The following INTS10 variants were observed in gnomAD, a reference collection of about 807,000 sequenced individuals.
The protein encoded by INTS10 is integrator complex subunit 10.
INTS10 carries 44 observed loss-of-function variants against 94.4 expected under a neutral mutation model. That is an observed-to-expected ratio of 0.47 (90% CI 0.37 to 0.60). INTS10 has a LOEUF of 0.60. INTS10 is among the 20% of genes least tolerant of loss of function. The pLI is 0.00. For synonymous variants in INTS10, 341 were observed against 320.7 expected, an observed-to-expected ratio of 1.06 and a Z score of -0.68; for missense variants, 797 against 868.7, an observed-to-expected ratio of 0.92 and a Z score of 1.04.
intron 12 of INTS10, among the ~76,000 whole-genome samples, chr8:19,834,800 C>G (rs1224030199): frequency 6.6e-6 from 1 of 152,044 alleles, no homozygotes; most frequent in Non-Finnish European, 1.5e-5. Flanking sequence ...AAGTGGGAGG[C>G]TTGTAAACAA....
chr8:19,851,750 T>A lies in INTS10; in HGVS notation c.2078T>A (p.Val693Asp). 6.2e-7 allele frequency: 1 copy of A among 1,614,102 alleles called. No homozygotes were observed. Among genetic ancestry groups the A allele is most frequent in the South Asian group, 1.1e-5 (1 of 91,080 alleles). The change falls in exon 17 of 17, where the codon GTT becomes GAT. Residue 693 changes from valine to aspartate, a missense_variant. By Grantham distance (152) the Val-to-Asp change is radical. This residue lies in a region of INTS10 where 47 missense variants were observed against 41.8 expected (regional missense o/e 1.12). Transcript: ENST00000397977. The surrounding 1 kb of genome is among the most constrained non-coding windows in gnomAD (Gnocchi z 5.0). ...CGCTGTGGAGAGAATCTGATGGTGG[T>A]TCTGCACAGGTTCTGCATTAATGAG... ...VSRCGENLMV[V>D]LHRFCINEKI...
intron 13 of INTS10, among the ~76,000 whole-genome samples, chr8:19,837,966 T>G (rs1016059608): frequency 1.2e-4 from 18 of 152,094 alleles, no homozygotes; most frequent in African/African-American, 4.1e-4. Context: ...GAATACATTA[T>G]GAAAAACTTT....
At chr8:19,833,065 T>C in intron 11 of INTS10, 104 bp from the exon 12 acceptor site, 1 of 929,536 alleles carries the variant, frequency 1.1e-6, no homozygotes, top group African/African-American at 1.7e-5. Context: ...ACCGTCTTTG[T>C]ATAGTTGCTT....
At chr8:19,840,312 A>G (rs1274038632) in intron 13 of INTS10, among the ~76,000 whole-genome samples, 4 of 152,324 alleles carry the variant, frequency 2.6e-5, no homozygotes, top group South Asian at 2.1e-4. Context: ...TCATGTTTCT[A>G]TATCAGAAGA....
In INTS10 at chr8:19,823,551, G is replaced by C. The variant is rs1266573619; in HGVS notation, c.664+110G>C. On this transcript the variant is annotated intron_variant, in intron 6 of 16. Transcript: ENST00000397977. Reference sequence around the variant, plus strand: ...CTCCTCTGGATACTTACCAGTTTGGGAGTGTTTCAAAAGATGGTATCTAGA... The same window carrying C: ...CTCCTCTGGATACTTACCAGTTTGGCAGTGTTTCAAAAGATGGTATCTAGA... The C allele has an allele frequency of 8.7e-6, 7 of 807,910 alleles. No individual in the cohort carries two copies. The East Asian group carries it at 1.0e-4, about 12-fold the overall frequency. 50.0% of individuals were successfully genotyped at this position (807,910 alleles called of 1,614,324 possible).
At chr8:19,835,046 C>A (rs2067543701) in intron 12 of INTS10, among the ~76,000 whole-genome samples, 1 of 152,002 alleles carries the variant, frequency 6.6e-6, no homozygotes, top group South Asian at 2.1e-4. Context: ...TTTCAACATA[C>A]AAATTTTGGT....
rs1405222149 is a variant in INTS10, at chr8:19,826,508, T to C, written c.1089T>C (p.Asn363=). Residue 363 remains asparagine (N), a synonymous_variant, in exon 9 of 17, where the codon AAT becomes AAC. Coordinates refer to ENST00000397977, the MANE Select transcript of INTS10 (RefSeq NM_018142.4). ...NVYGDVEIDR[N]KHIHKKRKLA... ...ATGGTGATGTAGAAATTGATCGTAATAAACACATCCATAAAAAGAGGAAAC... is the reference window on the plus strand; with the variant it reads ...ATGGTGATGTAGAAATTGATCGTAACAAACACATCCATAAAAAGAGGAAAC... 6 of 1,612,866 alleles carry C rather than the reference T, an allele frequency of 3.7e-6. 1 individual carries two copies. In the South Asian group the frequency reaches 6.6e-5, roughly 18 times the overall value.
intron 4 of INTS10, 42 bp from the exon 5 acceptor site, chr8:19,822,397 A>T: frequency 8.3e-7 from 1 of 1,206,826 alleles, no homozygotes; most frequent in South Asian, 1.2e-5. Flanking sequence ...CTGACAACTT[A>T]TGCTGTAACA....
chr8:19,842,991 G>A lies in INTS10; in HGVS notation c.1719+64G>A. ...TTCAAATATTATTCTCATGACTCGA[G>A]AACTTGAGAACCTTGCTAAGGATTG... is the stretch of plus-strand genomic sequence containing the variant. On this transcript the variant is annotated intron_variant, in intron 14 of 16. Coordinates refer to ENST00000397977, the MANE Select transcript of INTS10 (RefSeq NM_018142.4). 3.6e-6 allele frequency: 4 copies of A among 1,110,236 alleles called. No homozygotes were observed. The Admixed American group carries it at 6.9e-5, about 19-fold the overall frequency. 68.8% of individuals were successfully genotyped at this position (1,110,236 alleles called of 1,614,324 possible).
chr8:19,846,483 TGG>T lies in INTS10; in HGVS notation c.1976+688_1976+689del, dbSNP rs2068599898. On this transcript the variant is annotated intron_variant, in intron 16 of 16. Transcript: ENST00000397977. This position sits in a 1 kb window ranked among gnomAD's most constrained non-coding sequence, Gnocchi z 4.2. ...CAGCTGTGCTTAATTAAAATTGTGCTGGGTTAGAAAAATTCTTTAGGAAAAAC... is the reference window on the plus strand; with the variant it reads ...CAGCTGTGCTTAATTAAAATTGTGCTGTTAGAAAAATTCTTTAGGAAAAAC... Among the ~76,000 whole-genome samples, 1 of 151,822 alleles carries T rather than the reference TGG, an allele frequency of 6.6e-6. No homozygotes were observed. The highest frequency in any genetic ancestry group is 6.6e-5 in the Admixed American group (1 of 15,250).
Position 19,832,034 on chromosome 8 carries a change from C to A in INTS10, c.1301C>A (p.Thr434Lys). 6.3e-7 allele frequency: 1 copy of A among 1,594,772 alleles called. No homozygotes were observed. Among genetic ancestry groups the A allele is most frequent in the Non-Finnish European group, 8.6e-7 (1 of 1,162,392 alleles). ...YSLEFLDKEF[T>K]RICLAWKTDT... Reference sequence around the variant, plus strand: ...TTCTTGAATTCTTACTCAGAATTTACAAGGATTTGCTTGGCCTGGAAGACG... The same window carrying A: ...TTCTTGAATTCTTACTCAGAATTTAAAAGGATTTGCTTGGCCTGGAAGACG... The change falls in exon 11 of 17, where the codon ACA (threonine) becomes AAA (lysine). Residue 434 changes from threonine (T) to lysine (K), a missense_variant. This residue lies in a region of INTS10 where 734 missense variants were observed against 787.8 expected (regional missense o/e 0.93). Coordinates refer to ENST00000397977, the MANE Select transcript of INTS10 (RefSeq NM_018142.4).
At position 19,846,282 on chromosome 8, in the gene INTS10, A is replaced by G. The variant is rs2068577208; in HGVS notation, c.1976+485A>G. Among the ~76,000 whole-genome samples, 1 of 151,614 alleles carries G rather than the reference A, an allele frequency of 6.6e-6. No homozygotes were observed. The highest frequency in any genetic ancestry group is 1.9e-4 in the East Asian group (1 of 5,168). ...ACTAAAAATACAAAAAAAAAAAAAAAATTATGTGGGCATGATAGTGGGCAC... is the reference window on the plus strand; with the variant it reads ...ACTAAAAATACAAAAAAAAAAAAAAGATTATGTGGGCATGATAGTGGGCAC... On this transcript the variant is annotated intron_variant, in intron 16 of 16. Transcript: ENST00000397977. The surrounding 1 kb of genome is among the most constrained non-coding windows in gnomAD (Gnocchi z 4.2).
chr8:19,834,876 T>C (rs570312973), intron 12 of INTS10, among the ~76,000 whole-genome samples: 1 of 152,238 alleles, frequency 6.6e-6, no homozygotes, highest in East Asian at 1.9e-4. Flanking sequence ...GCAGATTCAG[T>C]GTCTGGTGAG....
At position 19,822,899 on chromosome 8, in the gene INTS10, G is replaced by A. The variant is rs201621947; in HGVS notation, c.523+379G>A. 2.6e-3 allele frequency among the ~76,000 whole-genome samples: 387 copies of A among 151,530 alleles called. 2 individuals carry two copies. Among genetic ancestry groups the A allele is most frequent in the East Asian group, 0.015 (75 of 5,150 alleles). On this transcript the variant is annotated intron_variant, in intron 5 of 16. Transcript: ENST00000397977. ...TGGGAGGCGGAGGTTGCAGTAAGCC[G>A]AGATCGCGCCACTGTACTCCAACCT...
At chr8:19,819,137 T>A (rs2066170059) in intron 2 of INTS10, among the ~76,000 whole-genome samples, 1 of 152,176 alleles carries the variant, frequency 6.6e-6, no homozygotes, top group African/African-American at 2.4e-5. Context: ...ATATTATTAG[T>A]CTCTTTTTAG....
intron 9 of INTS10, among the ~76,000 whole-genome samples, chr8:19,830,173 C>T (rs3213914): frequency 0.1 from 15,665 of 151,678 alleles, 981 homozygotes; most frequent in Middle Eastern, 0.23. Context: ...AAGAATTTAA[C>T]ATCAGAAAAA....
chr8:19,820,595 C>A, intron 4 of INTS10, 77 bp downstream of exon 4: 2 of 1,315,168 alleles, frequency 1.5e-6, no homozygotes, highest in Middle Eastern at 2.0e-4. Context: ...TGGTGAGGAG[C>A]TACAAAGCAG....
At chr8:19,845,496 C>T (rs2068499404) in intron 15 of INTS10, 1 of 570,922 alleles carries the variant, frequency 1.8e-6, no homozygotes, top group East Asian at 2.9e-5. Context: ...TCAGACAGAT[C>T]TGGGTTCAAA....
chr8:19,839,590 C>CTCT (rs1224747692), intron 13 of INTS10, among the ~76,000 whole-genome samples: 1 of 151,870 alleles, frequency 6.6e-6, no homozygotes, highest in Non-Finnish European at 1.5e-5. Flanking sequence ...TTCCAGCTAT[C>CTCT]TAGAGGCTGA....
Sources: allele counts gnomAD v4.1 joint callset (sites outside exome capture counted in the v4.1 genomes callset), GRCh38; gene constraint gnomAD v4.1.1; regional missense constraint gnomAD v4.1.1; non-coding constraint Gnocchi (gnomAD v3.1); transcripts MANE v1.5; gene names NCBI Gene and HGNC (gene_info 2026-07-23, HGNC 2026-07-21).